Variants in CMSS1 observed in about 807,000 individuals in gnomAD.
The protein encoded by CMSS1 is protein CMSS1.
CMSS1 carries 33 observed loss-of-function variants against 43.5 expected under a neutral mutation model. That is an observed-to-expected ratio of 0.76 (90% CI 0.57 to 1.01). The LOEUF is 1.01. Among genes scored for constraint, CMSS1 ranks in the 50% least tolerant of loss-of-function variants. CMSS1 has a pLI of 0.00. For missense variants in CMSS1, 313 were observed against 326.4 expected (o/e 0.96, Z 0.32); for synonymous variants, 115 against 117.2 (o/e 0.98, Z 0.12).
chr3:100,081,591 C>T (rs1405986122), intron 1 of CMSS1, among the ~76,000 whole-genome samples: 1 of 152,034 alleles, frequency 6.6e-6, no homozygotes, highest in South Asian at 2.1e-4. Flanking sequence ...GCCTCTGCAC[C>T]CTAATTGTTG....
intron 1 of CMSS1, among the ~76,000 whole-genome samples, chr3:100,076,595 A>AT: frequency 6.6e-6 from 1 of 152,004 alleles, no homozygotes; most frequent in Non-Finnish European, 1.5e-5. Context: ...CTTCTGAGTT[A>AT]TTTTTTCCTG....
intron 1 of CMSS1, among the ~76,000 whole-genome samples, chr3:100,126,298 T>C (rs1349059369): frequency 1.3e-5 from 2 of 152,254 alleles, no homozygotes; most frequent in Non-Finnish European, 2.9e-5. Flanking sequence ...CAAAATCATC[T>C]TTGAATGCCT....
chr3:99,863,376 C>T (rs1944356012), intron 1 of CMSS1, among the ~76,000 whole-genome samples: 1 of 152,142 alleles, frequency 6.6e-6, no homozygotes. Flanking sequence ...GTCTTCGGCC[C>T]TGGGGTTGGG....
intron 1 of CMSS1, chr3:100,114,801 G>T: frequency 1.7e-6 from 1 of 572,166 alleles, no homozygotes; most frequent in Non-Finnish European, 3.1e-6. Context: ...ATGAGCTGAT[G>T]TAAGCCTTGT....
intron 1 of CMSS1, among the ~76,000 whole-genome samples, chr3:100,126,239 A>T (rs1228508962): frequency 6.6e-6 from 1 of 152,218 alleles, no homozygotes; most frequent in African/African-American, 2.4e-5. Context: ...ATGTTTTTTT[A>T]AAATTCACAT....
Position 99,911,547 on chromosome 3 carries a change from T to C in CMSS1, c.64+93504T>C, listed in dbSNP as rs1313829127. On this transcript the variant is annotated intron_variant, in intron 1 of 9. Coordinates refer to ENST00000421999, the MANE Select transcript of CMSS1 (RefSeq NM_032359.4). ...GCATACAGGGTCTGTATGCCCTGGC[T>C]CTAAAATACTCATCCTCACCCGAGG... Among the ~76,000 whole-genome samples, 7 of 152,094 alleles carry C rather than the reference T, an allele frequency of 4.6e-5. No individual in the cohort carries two copies. In the East Asian group the frequency reaches 1.4e-3, roughly 29 times the overall value.
At chr3:99,909,715 C>T (rs1253625005) in intron 1 of CMSS1, among the ~76,000 whole-genome samples, 1 of 152,104 alleles carries the variant, frequency 6.6e-6, no homozygotes, top group African/African-American at 2.4e-5. Flanking sequence ...TTTTATTTAA[C>T]TCATAATAAC....
intron 6 of CMSS1, among the ~76,000 whole-genome samples, chr3:100,168,550 A>C (rs181045331): frequency 6.6e-6 from 1 of 152,090 alleles, no homozygotes; most frequent in African/African-American, 2.4e-5. Flanking sequence ...AAAAGATAGA[A>C]TACCATGGAA....
intron 1 of CMSS1, among the ~76,000 whole-genome samples, chr3:99,977,249 G>A (rs140293784): frequency 6.6e-6 from 1 of 152,238 alleles, no homozygotes; most frequent in Admixed American, 6.5e-5. Flanking sequence ...TGGAGCTGAT[G>A]CCTCATCCCA....
In CMSS1 at chr3:100,176,405, A is replaced by AC. The variant is rs1244494824; in HGVS notation, c.747dup (p.Ile250HisfsTer81). The AC allele has an allele frequency of 6.2e-7, 1 of 1,611,728 alleles. No homozygotes were observed. Among genetic ancestry groups the AC allele is most frequent in the Non-Finnish European group, 8.5e-7 (1 of 1,177,958 alleles). On this transcript the variant is annotated frameshift_variant, in exon 9 of 10. Coordinates refer to ENST00000421999, the MANE Select transcript of CMSS1 (RefSeq NM_032359.4). LOFTEE classifies it high-confidence loss of function. ...GATCAGAAGTTGAGGAGAATGATGG[A>AC]CATTCCCGAGGTACCACGTAACCAG...
At chr3:99,988,527 A>AAAAAAG (rs1559715935) in intron 1 of CMSS1, among the ~76,000 whole-genome samples, 1 of 130,248 alleles carries the variant, frequency 7.7e-6, no homozygotes, top group Non-Finnish European at 1.6e-5. Flanking sequence ...AAAAAAAAAA[A>AAAAAAG]AAAGAAAGAA....
chr3:100,148,885 C>G (rs892711548), intron 2 of CMSS1, among the ~76,000 whole-genome samples: 1 of 151,904 alleles, frequency 6.6e-6, no homozygotes, highest in Non-Finnish European at 1.5e-5. Flanking sequence ...CTCAAAGGCC[C>G]TATACTAGTT....
At chr3:99,992,016 A>G (rs1264466174) in intron 1 of CMSS1, among the ~76,000 whole-genome samples, 3 of 149,084 alleles carry the variant, frequency 2.0e-5, no homozygotes, top group African/African-American at 7.4e-5. Flanking sequence ...GTGTGTGTAT[A>G]TATATATATA....
At chr3:99,869,133 T>C (rs545741809) in intron 1 of CMSS1, among the ~76,000 whole-genome samples, 1 of 152,332 alleles carries the variant, frequency 6.6e-6, no homozygotes, top group Admixed American at 6.5e-5. Context: ...AGTAGAGTTT[T>C]GTTCCTCTTG....
intron 2 of CMSS1, 72 bp downstream of exon 2, chr3:100,147,133 T>A (rs963264234): frequency 1.3e-6 from 2 of 1,511,802 alleles, no homozygotes; most frequent in Non-Finnish European, 1.8e-6. Context: ...TCTATTGAAC[T>A]CCCCATGTCC....
At chr3:100,126,786 C>CAGGAGATA (rs1279526136) in intron 1 of CMSS1, among the ~76,000 whole-genome samples, 1 of 152,130 alleles carries the variant, frequency 6.6e-6, no homozygotes, top group Non-Finnish European at 1.5e-5. Flanking sequence ...ATCACGAGGT[C>CAGGAGATA]AGGAGATCGA....
chr3:99,937,728 G>C (rs1707723798), intron 1 of CMSS1, among the ~76,000 whole-genome samples: 1 of 152,178 alleles, frequency 6.6e-6, no homozygotes, highest in Admixed American at 6.5e-5. Flanking sequence ...GAGCTGGTTG[G>C]CTCTGAATAG....
chr3:100,171,718 T>C (rs888771744), intron 6 of CMSS1, 121 bp from the exon 7 acceptor site: 1 of 754,720 alleles, frequency 1.3e-6, no homozygotes, highest in African/African-American at 1.7e-5. Flanking sequence ...TATGTACATA[T>C]GCACATATAT....
intron 1 of CMSS1, chr3:99,929,856 C>G: frequency 1.2e-6 from 2 of 1,610,238 alleles, no homozygotes; most frequent in South Asian, 2.2e-5. Context: ...TGGTACATAC[C>G]TCATTCATTG....
Sources: gnomAD v4.1 joint callset for allele counts (sites outside exome capture counted in the v4.1 genomes callset) on GRCh38, gnomAD v4.1.1 for gene constraint, MANE v1.5 for transcripts, NCBI Gene and HGNC (gene_info 2026-07-23, HGNC 2026-07-21) for gene names.